The following STIM1 variants were observed in gnomAD, a reference collection of about 807,000 sequenced individuals.
STIM1 encodes stromal interaction molecule 1.
Under a neutral mutation model 74.7 loss-of-function variants are expected in STIM1, and 25 were observed. The ratio of observed to expected loss-of-function variants is 0.33; its 90% CI spans 0.24 to 0.47. The LOEUF is 0.47. Ranked by LOEUF, STIM1 falls within the 20% of genes least tolerant of loss-of-function variation. The probability of loss-of-function intolerance (pLI) is 1.00; values close to 1 mark genes in which losing one functional copy is unlikely to be tolerated. For missense variants in STIM1, 728 were observed against 920.8 expected (o/e 0.79, Z 2.71); for synonymous variants, 328 against 348.8 (o/e 0.94, Z 0.66).
At chr11:3,864,049 C>T (rs1468138607) in intron 1 of STIM1, among the ~76,000 whole-genome samples, 1 of 151,356 alleles carries the variant, frequency 6.6e-6, no homozygotes, top group Non-Finnish European at 1.5e-5. Context: ...TCGGCTATAC[C>T]CAGCCATCAT....
intron 1 of STIM1, among the ~76,000 whole-genome samples, chr11:3,925,256 A>G (rs760016449): frequency 1.3e-5 from 2 of 152,262 alleles, no homozygotes; most frequent in South Asian, 2.1e-4. Context: ...TTAGCTGGGC[A>G]TGGTGGCGCA....
intron 1 of STIM1, among the ~76,000 whole-genome samples, chr11:3,895,714 CTTTCTTTCTTTCTTTCTTTCTTTTTCTTT>C (rs1565105174): frequency 3.2e-5 from 1 of 31,292 alleles, no homozygotes; most frequent in Non-Finnish European, 5.4e-5. Flanking sequence ...TTCTTTCTTT[CTTTCTTTCTTTCTTTCTTTCTTTTTCTTT>C]CTTCCTTCCT....
At chr11:3,869,896 T>A (rs2091015394) in intron 1 of STIM1, among the ~76,000 whole-genome samples, 4 of 152,092 alleles carry the variant, frequency 2.6e-5, no homozygotes, top group Admixed American at 2.0e-4. Context: ...GACTCAGAGT[T>A]TAAATGTAGG....
intron 2 of STIM1, among the ~76,000 whole-genome samples, chr11:4,013,914 A>C (rs993033412): frequency 6.6e-6 from 1 of 151,634 alleles, no homozygotes; most frequent in African/African-American, 2.4e-5. Flanking sequence ...TCACCGTGTT[A>C]GCCAGGATGG....
chr11:4,028,478 G>A lies in STIM1; in HGVS notation c.385+4491G>A, dbSNP rs774854086. 4.1e-5 allele frequency among the ~76,000 whole-genome samples: 6 copies of A among 144,756 alleles called. No individual in the cohort carries two copies. The East Asian group carries it at 1.0e-3, about 25-fold the overall frequency. 95.0% of individuals were successfully genotyped at this position (144,756 alleles called of 152,430 possible). On this transcript the variant is annotated intron_variant, in intron 3 of 12. Coordinates refer to ENST00000526596, the MANE Select transcript of STIM1 (RefSeq NM_001382567.1). ...GGCTGGAGTGCAGTGGAATGTTCTC[G>A]GCTCACTGCAACCTCTGCCTTCCAA...
intron 6 of STIM1, among the ~76,000 whole-genome samples, chr11:4,073,988 G>A (rs2094422051): frequency 6.6e-6 from 1 of 152,060 alleles, no homozygotes; most frequent in African/African-American, 2.4e-5. Context: ...GTTTTCCCTG[G>A]ATCTTTTTGT....
At chr11:3,985,209 C>G (rs191751629) in intron 2 of STIM1, among the ~76,000 whole-genome samples, 6 of 152,198 alleles carry the variant, frequency 3.9e-5, no homozygotes, top group Non-Finnish European at 5.9e-5. Flanking sequence ...TCCTTCCCCC[C>G]TCTTTGTTAT....
In STIM1 at chr11:3,856,196, C is replaced by G; in HGVS notation, c.-75C>G. ...TCTTGCCTGGAGACCGTCGGCTGCACTCCCGGGCTCCTGGCTTTGCCTCTG... is the reference window on the plus strand; with the variant it reads ...TCTTGCCTGGAGACCGTCGGCTGCAGTCCCGGGCTCCTGGCTTTGCCTCTG... On this transcript the variant is annotated 5_prime_UTR_variant, in exon 1 of 13. Transcript: ENST00000526596. 3.1e-6 allele frequency: 5 copies of G among 1,603,986 alleles called. No homozygotes were observed.
At chr11:3,952,054 C>G (rs1354986350) in intron 1 of STIM1, among the ~76,000 whole-genome samples, 2 of 152,114 alleles carry the variant, frequency 1.3e-5, no homozygotes, top group Non-Finnish European at 2.9e-5. Context: ...TTGTGCTGCC[C>G]AGCACTGGGC....
At chr11:4,087,094 G>A (rs2094498436) in intron 12 of STIM1, among the ~76,000 whole-genome samples, 1 of 152,110 alleles carries the variant, frequency 6.6e-6, no homozygotes, top group South Asian at 2.1e-4. Context: ...CTTCCCTCAT[G>A]ACCCTATAGC....
intron 1 of STIM1, among the ~76,000 whole-genome samples, chr11:3,890,527 T>C (rs1191474972): frequency 6.6e-6 from 1 of 152,082 alleles, no homozygotes; most frequent in Non-Finnish European, 1.5e-5. Context: ...GTATGGAAGA[T>C]TTGACTGAAG....
intron 2 of STIM1, among the ~76,000 whole-genome samples, chr11:3,986,333 C>A (rs1283105153): frequency 1.3e-5 from 2 of 152,086 alleles, no homozygotes; most frequent in East Asian, 3.9e-4. Context: ...GGGGAGGGGG[C>A]TGAGCATGAT....
At chr11:3,961,335 A>G (rs2093282968) in intron 1 of STIM1, 3 of 244,550 alleles carry the variant, frequency 1.2e-5, no homozygotes, top group Non-Finnish European at 2.7e-5. Flanking sequence ...AGCTGAAAAC[A>G]AGACCAGATG....
intron 2 of STIM1, among the ~76,000 whole-genome samples, chr11:4,004,121 C>T (rs1022898827): frequency 6.6e-6 from 1 of 152,180 alleles, no homozygotes; most frequent in Non-Finnish European, 1.5e-5. Context: ...ACATTCCATG[C>T]TCATGGGTAG....
intron 11 of STIM1, among the ~76,000 whole-genome samples, chr11:4,085,706 TG>T (rs1251152657): frequency 6.6e-6 from 1 of 152,184 alleles, no homozygotes; most frequent in Non-Finnish European, 1.5e-5. Context: ...AAGACATTAT[TG>T]TGAAGTCTCA....
intron 3 of STIM1, among the ~76,000 whole-genome samples, chr11:4,029,873 A>T (rs2094033645): frequency 6.6e-6 from 1 of 152,096 alleles, no homozygotes; most frequent in Non-Finnish European, 1.5e-5. Context: ...TGTTTTTGTG[A>T]CCAGAAATAT....
intron 2 of STIM1, among the ~76,000 whole-genome samples, 190 bp from the exon 3 acceptor site, chr11:4,023,683 A>G (rs1258396213): frequency 6.6e-6 from 1 of 152,214 alleles, no homozygotes; most frequent in Non-Finnish European, 1.5e-5. Context: ...GACATGTAAC[A>G]AAGAGGAAGT....
intron 1 of STIM1, among the ~76,000 whole-genome samples, chr11:3,957,359 C>T (rs1018566141): frequency 1.3e-5 from 2 of 151,846 alleles, no homozygotes; most frequent in Admixed American, 1.3e-4. Flanking sequence ...TGGTTTCAAG[C>T]CGTTCTCCTG....
chr11:3,934,364 T>A (rs946931009), intron 1 of STIM1, among the ~76,000 whole-genome samples: 7 of 152,328 alleles, frequency 4.6e-5, no homozygotes, highest in Middle Eastern at 3.4e-3. Context: ...GGCTTTTTCA[T>A]ATCTTGAGTC....
Sources: allele counts gnomAD v4.1 joint callset (sites outside exome capture counted in the v4.1 genomes callset), GRCh38; gene constraint gnomAD v4.1.1; transcripts MANE v1.5; gene names NCBI Gene and HGNC (gene_info 2026-07-23, HGNC 2026-07-21).